Variants in CRACD observed in about 807,000 individuals in gnomAD.
The protein encoded by CRACD is capping protein-inhibiting regulator of actin dynamics.
CRACD carries 56 observed loss-of-function variants against 106.8 expected under a neutral mutation model. The observed-to-expected ratio is 0.52, with a 90% CI of 0.42 to 0.66. The LOEUF (loss-of-function observed/expected upper bound fraction) is 0.66, where lower values mean the gene tolerates loss of function less well. Ranked by LOEUF, CRACD falls within the 30% of genes least tolerant of loss-of-function variation. The pLI is 0.00. For synonymous variants in CRACD, 754 were observed against 670.8 expected, an observed-to-expected ratio of 1.12 and a Z score of -1.92; for missense variants, 1,730 against 1,623.2, an observed-to-expected ratio of 1.07 and a Z score of -1.13.
intron 1 of CRACD, among the ~76,000 whole-genome samples, chr4:56,118,200 A>G (rs1172227158): frequency 6.6e-6 from 1 of 152,172 alleles, no homozygotes; most frequent in Non-Finnish European, 1.5e-5. Context: ...TAGGCTAATC[A>G]CTTACGAACC....
intron 1 of CRACD, among the ~76,000 whole-genome samples, chr4:56,178,514 C>T (rs1736679037): frequency 6.6e-6 from 1 of 152,344 alleles, no homozygotes; most frequent in East Asian, 1.9e-4. Context: ...TTTTGTCCAG[C>T]TGTTCTAGTT....
chr4:56,201,069 T>C (rs1737859513), intron 2 of CRACD, among the ~76,000 whole-genome samples: 1 of 152,226 alleles, frequency 6.6e-6, no homozygotes, highest in Non-Finnish European at 1.5e-5. Context: ...TTATTTCAGC[T>C]TTTCTTAACA....
intron 6 of CRACD, 61 bp downstream of exon 6, chr4:56,310,795 C>CCG (rs1560531288): frequency 2.1e-6 from 2 of 966,648 alleles, no homozygotes; most frequent in East Asian, 2.6e-5. Flanking sequence ...ATCTTCCCCC[C>CCG]CCCTTTTTTT....
chr4:56,251,880 A>T (rs1245187029), intron 2 of CRACD, among the ~76,000 whole-genome samples: 2 of 152,216 alleles, frequency 1.3e-5, no homozygotes, highest in African/African-American at 2.4e-5. Context: ...TTACTGGGAA[A>T]TGTGGCCATT....
intron 1 of CRACD, among the ~76,000 whole-genome samples, chr4:56,087,607 T>C (rs923835135): frequency 2.6e-5 from 4 of 152,206 alleles, no homozygotes; most frequent in African/African-American, 9.7e-5. Flanking sequence ...GTCACCTCTA[T>C]GCTTATTGCT....
At chr4:56,268,346 G>A (rs1015119354) in intron 2 of CRACD, among the ~76,000 whole-genome samples, 3 of 151,950 alleles carry the variant, frequency 2.0e-5, no homozygotes, top group African/African-American at 7.3e-5. Context: ...GTGGACCCAG[G>A]CTGGGATAAT....
At chr4:56,129,147 C>G (rs1734746061) in intron 1 of CRACD, among the ~76,000 whole-genome samples, 1 of 152,266 alleles carries the variant, frequency 6.6e-6, no homozygotes, top group South Asian at 2.1e-4. Flanking sequence ...ATAATCATGG[C>G]CTGCTGCAGC....
intron 1 of CRACD, among the ~76,000 whole-genome samples, chr4:56,063,370 T>A (rs75853019): frequency 0.027 from 4,176 of 152,228 alleles, 133 homozygotes; most frequent in East Asian, 0.08. Flanking sequence ...AAAAATTTTT[T>A]ATTGTGGTAA....
chr4:56,097,323 T>A (rs982633635), intron 1 of CRACD: 5 of 151,468 alleles, frequency 3.3e-5, no homozygotes, highest in African/African-American at 1.2e-4. Context: ...GGTGTTAGGA[T>A]TGCTTAACTG....
intron 1 of CRACD, among the ~76,000 whole-genome samples, chr4:56,063,087 A>C (rs542527650): frequency 5.3e-5 from 8 of 152,232 alleles, no homozygotes; most frequent in Non-Finnish European, 1.2e-4. Flanking sequence ...GAAGGAAGAG[A>C]AGAAGGAAAG....
At chr4:56,151,224 T>C (rs1172773619) in intron 1 of CRACD, among the ~76,000 whole-genome samples, 1 of 152,156 alleles carries the variant, frequency 6.6e-6, no homozygotes, top group Non-Finnish European at 1.5e-5. Context: ...GGTCTCGAAC[T>C]CCTGACCTCA....
chr4:56,258,847 A>G (rs967733660), intron 2 of CRACD, among the ~76,000 whole-genome samples: 2 of 152,214 alleles, frequency 1.3e-5, no homozygotes, highest in South Asian at 4.1e-4. Flanking sequence ...GTATGTGGAT[A>G]GATCTCTCTG....
At chr4:56,279,082 T>C (rs1391180821) in intron 3 of CRACD, among the ~76,000 whole-genome samples, 1 of 151,908 alleles carries the variant, frequency 6.6e-6, no homozygotes, top group Non-Finnish European at 1.5e-5. Context: ...AATGTTTAGT[T>C]CTGATCCCAT....
chr4:56,232,080 T>C (rs1739653972), intron 2 of CRACD, among the ~76,000 whole-genome samples: 2 of 152,176 alleles, frequency 1.3e-5, no homozygotes, highest in Admixed American at 1.3e-4. Context: ...TAGGAGCATA[T>C]GTACAGTAAT....
chr4:56,116,941 C>T lies in CRACD; in HGVS notation c.-335-62343C>T, dbSNP rs187985311. ...CCGGCTGGTCTCGAACTCTTGATCT[C>T]AGGTGATCCGCCCACCTCTGCTTAC... On this transcript the variant is annotated intron_variant, in intron 1 of 10. Coordinates refer to ENST00000682029, the MANE Select transcript of CRACD (RefSeq NM_001393381.1). 9.7e-3 allele frequency among the ~76,000 whole-genome samples: 1,459 copies of T among 149,732 alleles called. 5 individuals are homozygous for T. The highest frequency in any genetic ancestry group is 0.015 in the Non-Finnish European group (1,016 of 67,316).
chr4:56,153,795 T>A (rs73152937), intron 1 of CRACD, among the ~76,000 whole-genome samples: 199 of 152,362 alleles, frequency 1.3e-3, no homozygotes, highest in African/African-American at 4.5e-3. Flanking sequence ...TTAGACATTC[T>A]GAGCCCTTTT....
intron 2 of CRACD, among the ~76,000 whole-genome samples, chr4:56,220,335 A>AC (rs1738960463): frequency 6.6e-6 from 1 of 152,192 alleles, no homozygotes; most frequent in Admixed American, 6.5e-5. Context: ...TGCTCTTGTA[A>AC]CCAACTGTTG....
intron 1 of CRACD, among the ~76,000 whole-genome samples, chr4:56,069,416 G>A (rs1439930410): frequency 6.6e-6 from 1 of 152,176 alleles, no homozygotes; most frequent in African/African-American, 2.4e-5. Flanking sequence ...CTCAGGGACA[G>A]CGTCTGGAGA....
chr4:56,201,361 T>C (rs989786425), intron 2 of CRACD, among the ~76,000 whole-genome samples: 1 of 152,232 alleles, frequency 6.6e-6, no homozygotes, highest in East Asian at 1.9e-4. Context: ...TTGATAGATA[T>C]CTTTTGTTCC....
Sources: allele counts gnomAD v4.1 joint callset (sites outside exome capture counted in the v4.1 genomes callset), GRCh38; gene constraint gnomAD v4.1.1; transcripts MANE v1.5; gene names NCBI Gene and HGNC (gene_info 2026-07-23, HGNC 2026-07-21).